Variants in MAP2K4 observed in about 807,000 individuals in gnomAD.
The protein encoded by MAP2K4 is mitogen-activated protein kinase kinase 4.
Under a neutral mutation model 48.5 loss-of-function variants are expected in MAP2K4, and 4 were observed. The observed-to-expected ratio is 0.08, with a 90% CI of 0.04 to 0.19. MAP2K4 has a LOEUF of 0.19. MAP2K4 is among the 10% of genes least tolerant of loss of function. The pLI, the probability that MAP2K4 is intolerant of heterozygous loss-of-function variation, is 1.00. For synonymous variants in MAP2K4, 166 were observed against 173.1 expected, an observed-to-expected ratio of 0.96 and a Z score of 0.32; for missense variants, 258 against 493.3, an observed-to-expected ratio of 0.52 and a Z score of 4.52.
At chr17:12,049,848 C>T (rs1970078718) in intron 1 of MAP2K4, among the ~76,000 whole-genome samples, 1 of 152,166 alleles carries the variant, frequency 6.6e-6, no homozygotes, top group Non-Finnish European at 1.5e-5. Flanking sequence ...ACTCAGGGAG[C>T]TGTGGTTCCT....
chr17:12,111,926 T>C (rs1443282487), intron 6 of MAP2K4, among the ~76,000 whole-genome samples: 2 of 152,288 alleles, frequency 1.3e-5, no homozygotes, highest in South Asian at 2.1e-4. Context: ...TGTCTATATG[T>C]GGCTGCCTCG....
At chr17:12,043,340 G>A (rs1344512533) in intron 1 of MAP2K4, among the ~76,000 whole-genome samples, 5 of 152,078 alleles carry the variant, frequency 3.3e-5, no homozygotes, top group Non-Finnish European at 7.4e-5. Flanking sequence ...ACACCTTGAG[G>A]TGTTTTCTGA....
chr17:12,060,169 T>TAA (rs78476666), intron 2 of MAP2K4, among the ~76,000 whole-genome samples: 24 of 144,262 alleles, frequency 1.7e-4, no homozygotes, highest in African/African-American at 5.6e-4. Context: ...CTGTCTCTAT[T>TAA]AAAAAAAAAA....
intron 3 of MAP2K4, among the ~76,000 whole-genome samples, chr17:12,092,162 A>C (rs1971583750): frequency 6.6e-6 from 1 of 152,128 alleles, no homozygotes; most frequent in Admixed American, 6.5e-5. Context: ...AGGGAAAAAA[A>C]GGTTTGCTGA....
At chr17:12,098,176 C>A (rs1022780978) in intron 4 of MAP2K4, among the ~76,000 whole-genome samples, 1 of 151,870 alleles carries the variant, frequency 6.6e-6, no homozygotes, top group Admixed American at 6.6e-5. Context: ...CCCGAAGTTA[C>A]AAAGGTTAAA....
intron 9 of MAP2K4, among the ~76,000 whole-genome samples, chr17:12,130,968 T>C (rs1392781332): frequency 7.2e-5 from 11 of 152,306 alleles, no homozygotes; most frequent in Non-Finnish European, 1.3e-4. Context: ...CAGGGTGATA[T>C]TGACCCTAAG....
intron 1 of MAP2K4, among the ~76,000 whole-genome samples, chr17:12,040,012 T>C (rs1969727038): frequency 6.6e-6 from 1 of 152,212 alleles, no homozygotes; most frequent in African/African-American, 2.4e-5. Flanking sequence ...GACGGTGTTG[T>C]GTGCTTCACA....
intron 3 of MAP2K4, among the ~76,000 whole-genome samples, chr17:12,091,014 A>G (rs1237263061): frequency 6.6e-6 from 1 of 152,162 alleles, no homozygotes; most frequent in Non-Finnish European, 1.5e-5. Flanking sequence ...TGGATTTGGT[A>G]GGGTTTGGAT....
intron 1 of MAP2K4, among the ~76,000 whole-genome samples, chr17:12,041,671 A>C (rs1057365617): frequency 6.6e-6 from 1 of 152,220 alleles, no homozygotes; most frequent in Non-Finnish European, 1.5e-5. Context: ...AAAAGAAACA[A>C]CAAATTGGAC....
intron 1 of MAP2K4, among the ~76,000 whole-genome samples, chr17:12,043,025 C>T (rs868837550): frequency 4.0e-5 from 6 of 150,412 alleles, no homozygotes; most frequent in Admixed American, 2.0e-4. Context: ...CCAGCCTGGG[C>T]GACAGAGTGA....
At chr17:12,116,980 A>G (rs1972520810) in intron 7 of MAP2K4, among the ~76,000 whole-genome samples, 2 of 152,156 alleles carry the variant, frequency 1.3e-5, no homozygotes, top group Non-Finnish European at 2.9e-5. Context: ...CTATGGTGTC[A>G]TTAGGAGATA....
chr17:12,087,392 G>A (rs544466740), intron 3 of MAP2K4, among the ~76,000 whole-genome samples: 1 of 152,168 alleles, frequency 6.6e-6, no homozygotes, highest in South Asian at 2.1e-4. Context: ...TTCTTTAAAT[G>A]TGGATGATGT....
chr17:12,047,015 C>A (rs1460878521), intron 1 of MAP2K4, among the ~76,000 whole-genome samples: 2 of 152,012 alleles, frequency 1.3e-5, no homozygotes, highest in Admixed American at 1.3e-4. Flanking sequence ...AGCTGTTAAG[C>A]CTTTTGTTGT....
intron 2 of MAP2K4, among the ~76,000 whole-genome samples, chr17:12,066,054 A>G (rs1160371001): frequency 2.6e-5 from 4 of 152,036 alleles, no homozygotes; most frequent in African/African-American, 7.3e-5. Context: ...TGTACCCCTA[A>G]GTAGCTAGAG....
intron 7 of MAP2K4, among the ~76,000 whole-genome samples, chr17:12,118,517 G>A (rs1274817380): frequency 1.3e-5 from 2 of 152,132 alleles, no homozygotes; most frequent in South Asian, 2.1e-4. Context: ...TTATTGCAGG[G>A]AAGCTGGACT....
intron 1 of MAP2K4, chr17:12,021,275 T>A: frequency 8.6e-6 from 2 of 233,162 alleles, no homozygotes; most frequent in Non-Finnish European, 1.7e-5. Context: ...AGGGCCCACC[T>A]GGTCCGGGAC....
In MAP2K4 at chr17:12,060,728, G is replaced by GGGGTGTGT. The variant is rs71367376; in HGVS notation, c.218+5738_218+5739insGGTGTGTG. Among the ~76,000 whole-genome samples, 632 of 150,334 alleles carry GGGGTGTGT rather than the reference G, an allele frequency of 4.2e-3. 1 individual carries two copies. Among genetic ancestry groups the GGGGTGTGT allele is most frequent in the East Asian group, 0.011 (56 of 5,114 alleles). On this transcript the variant is annotated intron_variant, in intron 2 of 10. Transcript: ENST00000353533. ...ATCTCAAATGTGTTAAATACTATGG[G>GGGGTGTGT]GTGTGTGTGTGTGTGTGTGCGCGCG...
intron 2 of MAP2K4, among the ~76,000 whole-genome samples, chr17:12,069,425 G>A (rs1452027001): frequency 1.3e-5 from 2 of 152,082 alleles, no homozygotes; most frequent in African/African-American, 4.8e-5. Flanking sequence ...GCAACATGAT[G>A]CAAACATGAA....
intron 2 of MAP2K4, among the ~76,000 whole-genome samples, chr17:12,073,101 A>G (rs570794585): frequency 2.1e-4 from 32 of 152,236 alleles, no homozygotes; most frequent in Non-Finnish European, 3.8e-4. Context: ...AATTAAGATG[A>G]CTTAACTCCC....
Sources: gnomAD v4.1 joint callset for allele counts (sites outside exome capture counted in the v4.1 genomes callset) on GRCh38, gnomAD v4.1.1 for gene constraint, MANE v1.5 for transcripts, NCBI Gene and HGNC (gene_info 2026-07-23, HGNC 2026-07-21) for gene names.